Variants in BRINP2 observed in about 807,000 individuals in gnomAD.
BRINP2 encodes BMP/retinoic acid-inducible neural-specific protein 2.
A neutral mutation model predicts 69.2 loss-of-function variants in BRINP2; 21 were observed. The observed-to-expected ratio is 0.30, with a 90% CI of 0.22 to 0.44. The LOEUF (loss-of-function observed/expected upper bound fraction) is 0.44, where lower values mean the gene tolerates loss of function less well. BRINP2 is among the 20% of genes least tolerant of loss of function. The pLI, the probability that BRINP2 is intolerant of heterozygous loss-of-function variation, is 1.00. For missense variants in BRINP2, 877 were observed against 986.0 expected (o/e 0.89, Z 1.48); for synonymous variants, 380 against 394.1 (o/e 0.96, Z 0.42).
chr1:177,230,379 T>C (rs1421525276), intron 2 of BRINP2, among the ~76,000 whole-genome samples: 2 of 152,188 alleles, frequency 1.3e-5, no homozygotes, highest in East Asian at 3.8e-4. Context: ...CTGGGGAACT[T>C]AGCAAAAGGG....
chr1:177,211,940 AT>A (rs1649232076), intron 1 of BRINP2, among the ~76,000 whole-genome samples: 2 of 152,124 alleles, frequency 1.3e-5, no homozygotes, highest in South Asian at 4.1e-4. Context: ...TAATTCCATA[AT>A]TTTTGTGCAT....
chr1:177,196,246 AT>A (rs1648740006), intron 1 of BRINP2, among the ~76,000 whole-genome samples: 1 of 152,182 alleles, frequency 6.6e-6, no homozygotes, highest in Non-Finnish European at 1.5e-5. Context: ...TGAACCTTGG[AT>A]GCTTACCAGT....
intron 4 of BRINP2, 87 bp downstream of exon 4, chr1:177,257,471 G>T (rs1342704558): frequency 6.2e-6 from 8 of 1,283,058 alleles, no homozygotes; most frequent in South Asian, 1.5e-5. Context: ...CTCTAGGTCA[G>T]CTGGGCCGAC....
At chr1:177,230,738 T>G (rs1348922680) in intron 2 of BRINP2, among the ~76,000 whole-genome samples, 4 of 152,182 alleles carry the variant, frequency 2.6e-5, no homozygotes, top group Admixed American at 1.3e-4. Flanking sequence ...GAGACCTGCC[T>G]AATCCATCAT....
chr1:177,191,927 T>A (rs2102297180), intron 1 of BRINP2, among the ~76,000 whole-genome samples: 1 of 152,366 alleles, frequency 6.6e-6, no homozygotes, highest in South Asian at 2.1e-4. Flanking sequence ...ATTTTCTTTG[T>A]TATATAAAAC....
rs139623208 is a variant in BRINP2, at chr1:177,278,746, G to A, written c.1196G>A (p.Arg399His). 18 of 1,614,006 alleles carry A rather than the reference G, an allele frequency of 1.1e-5. No homozygotes were observed. The highest frequency in any genetic ancestry group is 1.7e-5 in the Admixed American group (1 of 59,994). Reference sequence around the variant, plus strand: ...CGCCGGCTCTTCAACCTCTGCAAGCGCTGCCATCGCCAGCCTCGCTTCCGC... The same window carrying A: ...CGCCGGCTCTTCAACCTCTGCAAGCACTGCCATCGCCAGCCTCGCTTCCGC... The part of the protein sequence containing the change: ...ILRRLFNLCK[R>H]CHRQPRFRLP... Residue 399 changes from arginine (R) to histidine (H), a missense_variant, in exon 7 of 8, where the codon CGC becomes CAC. This residue lies in a region of BRINP2 where 566 missense variants were observed against 625.2 expected (regional missense o/e 0.91). Transcript: ENST00000361539.
intron 2 of BRINP2, among the ~76,000 whole-genome samples, chr1:177,240,061 T>C (rs1377539527): frequency 6.6e-6 from 1 of 152,100 alleles, no homozygotes; most frequent in Non-Finnish European, 1.5e-5. Context: ...AAAAACGAGG[T>C]AGCCAGAACC....
chr1:177,224,613 A>G (rs985481577), intron 1 of BRINP2, among the ~76,000 whole-genome samples: 1 of 151,758 alleles, frequency 6.6e-6, no homozygotes, highest in East Asian at 1.9e-4. Context: ...AATAGCTGTA[A>G]TTCATATAAC....
chr1:177,182,127 C>T (rs1238614467), intron 1 of BRINP2, among the ~76,000 whole-genome samples: 1 of 144,072 alleles, frequency 6.9e-6, no homozygotes, highest in Non-Finnish European at 1.5e-5. Flanking sequence ...CTGCCCCACC[C>T]CTCCCATCCT....
At chr1:177,192,977 G>A (rs373292084) in intron 1 of BRINP2, among the ~76,000 whole-genome samples, 85 of 152,268 alleles carry the variant, frequency 5.6e-4, no homozygotes, top group African/African-American at 1.9e-3. Context: ...TGCAAAGACC[G>A]TATGGTGAAT....
intron 6 of BRINP2, among the ~76,000 whole-genome samples, chr1:177,277,576 G>A (rs942852964): frequency 3.3e-5 from 5 of 151,262 alleles, no homozygotes; most frequent in African/African-American, 1.2e-4. Context: ...CCAATCTTCT[G>A]AGGAGATGAG....
In BRINP2 at chr1:177,281,011, A is replaced by G. The variant is rs766249875; in HGVS notation, c.1835A>G (p.Asp612Gly). The G allele has an allele frequency of 6.3e-5, 101 of 1,614,048 alleles. 1 individual carries two copies. In the South Asian group the frequency reaches 1.1e-3, roughly 18 times the overall value. Residue 612 changes from aspartate to glycine, a missense_variant, in exon 8 of 8, where the codon GAC (aspartate) becomes GGC (glycine). Coordinates refer to ENST00000361539, the MANE Select transcript of BRINP2 (RefSeq NM_021165.4). Reference protein sequence around the residue: ...FMPVNEGSFPDWERTNVDAAA... With the variant: ...FMPVNEGSFPGWERTNVDAAA... Reference sequence around the variant, plus strand: ...CCTGTGAATGAGGGCAGCTTTCCTGACTGGGAAAGGACTAACGTGGATGCA... The same window carrying G: ...CCTGTGAATGAGGGCAGCTTTCCTGGCTGGGAAAGGACTAACGTGGATGCA...
chr1:177,278,331 G>A (rs894400039), intron 6 of BRINP2, among the ~76,000 whole-genome samples: 1 of 149,324 alleles, frequency 6.7e-6, no homozygotes, highest in Non-Finnish European at 1.5e-5. Flanking sequence ...GAAATTCAGA[G>A]GCATAGGAGT....
intron 2 of BRINP2, among the ~76,000 whole-genome samples, chr1:177,253,068 G>C (rs1650633427): frequency 6.6e-6 from 1 of 152,128 alleles, no homozygotes. Context: ...GTACCTAGTA[G>C]TGAGATTGCT....
chr1:177,279,016 T>G (rs1304731348), intron 7 of BRINP2, among the ~76,000 whole-genome samples: 3 of 152,234 alleles, frequency 2.0e-5, no homozygotes, highest in Non-Finnish European at 4.4e-5. Context: ...TATAGTTGAT[T>G]CAAATGTTAT....
chr1:177,231,206 T>C (rs1182752338), intron 2 of BRINP2, among the ~76,000 whole-genome samples: 13 of 152,176 alleles, frequency 8.5e-5, no homozygotes, highest in Non-Finnish European at 1.5e-4. Flanking sequence ...GAAAAACAGT[T>C]GTTTTCCCCA....
chr1:177,181,808 C>G (rs555792334), intron 1 of BRINP2, among the ~76,000 whole-genome samples: 3 of 152,276 alleles, frequency 2.0e-5, no homozygotes, highest in Non-Finnish European at 4.4e-5. Context: ...CGCGAGGGAC[C>G]GCGGAGCAAG....
chr1:177,184,265 G>A (rs1648362087), intron 1 of BRINP2, among the ~76,000 whole-genome samples: 1 of 152,148 alleles, frequency 6.6e-6, no homozygotes, highest in South Asian at 2.1e-4. Flanking sequence ...AGAGTCAGCA[G>A]GGTTTTTTCC....
At chr1:177,235,366 A>T (rs1649987504) in intron 2 of BRINP2, among the ~76,000 whole-genome samples, 2 of 152,318 alleles carry the variant, frequency 1.3e-5, no homozygotes, top group African/African-American at 2.4e-5. Context: ...CAGCAGCGAG[A>T]CTATTTACAG....
Sources: allele counts gnomAD v4.1 joint callset (sites outside exome capture counted in the v4.1 genomes callset), GRCh38; gene constraint gnomAD v4.1.1; regional missense constraint gnomAD v4.1.1; transcripts MANE v1.5; gene names NCBI Gene and HGNC (gene_info 2026-07-23, HGNC 2026-07-21).